TLN2: variants seen among roughly 807,000 people sequenced by gnomAD.
TLN2 encodes talin 2.
A neutral mutation model predicts 294.7 loss-of-function variants in TLN2; 118 were observed. The observed-to-expected ratio is 0.40, with a 90% CI of 0.34 to 0.47. The LOEUF is 0.47. Among genes scored for constraint, TLN2 ranks in the 20% least tolerant of loss-of-function variants. The pLI is 0.84. For synonymous variants in TLN2, 1,431 were observed against 1,304.5 expected, an observed-to-expected ratio of 1.10 and a Z score of -2.09; for missense variants, 3,083 against 3,282.2, an observed-to-expected ratio of 0.94 and a Z score of 1.48.
At chr15:62,835,381 G>A (rs1168331270) in intron 55 of TLN2, 4 of 301,314 alleles carry the variant, frequency 1.3e-5, no homozygotes, top group African/African-American at 8.6e-5. Context: ...GAGGCCTAGT[G>A]GCTCCCACAT....
At chr15:62,660,192 A>T (rs987609883) in intron 9 of TLN2, among the ~76,000 whole-genome samples, 2 of 152,160 alleles carry the variant, frequency 1.3e-5, no homozygotes, top group Non-Finnish European at 2.9e-5. Context: ...ATTTTTTGAA[A>T]ATTTGCTCAG....
chr15:62,822,931 A>C (rs1033825414), intron 54 of TLN2, among the ~76,000 whole-genome samples: 5 of 152,246 alleles, frequency 3.3e-5, no homozygotes, highest in Non-Finnish European at 4.4e-5. Context: ...TATAAAACAA[A>C]GGTTTAAAAA....
At chr15:62,645,757 T>C (rs746246401) in intron 3 of TLN2, among the ~76,000 whole-genome samples, 4 of 152,172 alleles carry the variant, frequency 2.6e-5, no homozygotes, top group Admixed American at 6.5e-5. Flanking sequence ...GGTTCTCTCA[T>C]AAAACACAAG....
At chr15:62,826,412 C>CAGCCAT (rs1291385550) in intron 54 of TLN2, among the ~76,000 whole-genome samples, 1 of 152,222 alleles carries the variant, frequency 6.6e-6, no homozygotes, top group Admixed American at 6.5e-5. Context: ...GTCACAGGCA[C>CAGCCAT]AGCCATTTGG....
intron 2 of TLN2, among the ~76,000 whole-genome samples, chr15:62,600,184 G>T (rs2046871644): frequency 6.6e-6 from 1 of 152,188 alleles, no homozygotes. Flanking sequence ...CTGTCACCTA[G>T]AATGAAGTCT....
At chr15:62,604,882 C>T (rs549372952) in intron 2 of TLN2, among the ~76,000 whole-genome samples, 28 of 151,848 alleles carry the variant, frequency 1.8e-4, no homozygotes, top group South Asian at 1.5e-3. Flanking sequence ...CATTATTTGC[C>T]GCTGCCGCCG....
chr15:62,796,335 G>T, intron 47 of TLN2, 42 bp downstream of exon 47: 3 of 1,573,094 alleles, frequency 1.9e-6, no homozygotes, highest in Non-Finnish European at 1.7e-6. Context: ...AGGCTGGCCT[G>T]CCCCTGAAAC....
chr15:62,620,798 G>C (rs2048735173), intron 3 of TLN2, among the ~76,000 whole-genome samples: 3 of 145,516 alleles, frequency 2.1e-5, no homozygotes, highest in South Asian at 4.4e-4. Flanking sequence ...TGAATTTTCA[G>C]ATTCCTGAAA....
chr15:62,686,900 G>A, intron 12 of TLN2, 104 bp downstream of exon 12: 1 of 1,461,804 alleles, frequency 6.8e-7, no homozygotes, highest in East Asian at 2.4e-5. Flanking sequence ...CTCTGGCCTG[G>A]GAGAGCCAGC....
intron 1 of TLN2, among the ~76,000 whole-genome samples, chr15:62,480,874 T>G (rs191775768): frequency 3.0e-4 from 46 of 152,360 alleles, no homozygotes; most frequent in Admixed American, 1.2e-3. Flanking sequence ...CCTGCATTGC[T>G]TTCTTTGCTT....
At chr15:62,622,470 GATC>G (rs982386158) in intron 3 of TLN2, among the ~76,000 whole-genome samples, 13 of 152,118 alleles carry the variant, frequency 8.5e-5, no homozygotes, top group African/African-American at 3.1e-4. Context: ...ACTGATGTGT[GATC>G]TGTCCTGTTA....
intron 52 of TLN2, among the ~76,000 whole-genome samples, chr15:62,810,831 C>G (rs912607724): frequency 6.6e-6 from 1 of 152,286 alleles, no homozygotes; most frequent in African/African-American, 2.4e-5. Flanking sequence ...GATGATGTCT[C>G]TCCTCCATCA....
At chr15:62,796,076 TC>T in intron 46 of TLN2, 50 bp from the exon 47 acceptor site, 1 of 1,594,780 alleles carries the variant, frequency 6.3e-7, no homozygotes, top group Non-Finnish European at 8.5e-7. Context: ...TGCTTTTAGG[TC>T]CTGTTCTCTC....
At chr15:62,765,369 C>G (rs1295296166) in intron 40 of TLN2, among the ~76,000 whole-genome samples, 1 of 151,148 alleles carries the variant, frequency 6.6e-6, no homozygotes, top group Non-Finnish European at 1.5e-5. Context: ...TGTTAGTCTG[C>G]TCCTCTTTTT....
At chr15:62,658,092 T>G in intron 9 of TLN2, 194 bp downstream of exon 9, 1 of 505,150 alleles carries the variant, frequency 2.0e-6, no homozygotes, top group East Asian at 3.5e-5. Flanking sequence ...GAAGTTTCTT[T>G]TGCTGAATAG....
chr15:62,537,253 G>C (rs1039819335), intron 1 of TLN2, among the ~76,000 whole-genome samples: 2 of 151,964 alleles, frequency 1.3e-5, no homozygotes, highest in Non-Finnish European at 2.9e-5. Flanking sequence ...CTGACCTCGT[G>C]ATCCGCCCAC....
At chr15:62,833,173 G>C (rs1421838915) in intron 54 of TLN2, 1 of 187,650 alleles carries the variant, frequency 5.3e-6, no homozygotes, top group Non-Finnish European at 1.1e-5. Flanking sequence ...AGGTAAAAGG[G>C]TAAATTTTGT....
rs56258541 is a variant in TLN2, at chr15:62,673,310, C to CTTTTTTTTTTTTTTT, written c.789-513_789-499dup. On this transcript the variant is annotated intron_variant, in intron 9 of 58. Transcript: ENST00000636159. ...GTTTGCTTTAGATTTTTAGATGTTG[C>CTTTTTTTTTTTTTTT]TTTTTTTTTTTTTTTTTTGCAATTT... 1.9e-4 allele frequency among the ~76,000 whole-genome samples: 8 copies of CTTTTTTTTTTTTTTT among 42,898 alleles called. 1 individual carries two copies. The highest frequency in any genetic ancestry group is 3.0e-4 in the Non-Finnish European group (7 of 23,326). 28.1% of individuals were successfully genotyped at this position (42,898 alleles called of 152,430 possible).
chr15:62,742,024 G>GGTGTGTGT (rs1169646907), intron 32 of TLN2, among the ~76,000 whole-genome samples: 21 of 82,272 alleles, frequency 2.6e-4, no homozygotes, highest in African/African-American at 8.4e-4. Context: ...CTTGTAGTGG[G>GGTGTGTGT]GTGTGTGTGT....
Sources: allele counts gnomAD v4.1 joint callset (sites outside exome capture counted in the v4.1 genomes callset), GRCh38; gene constraint gnomAD v4.1.1; transcripts MANE v1.5; gene names NCBI Gene and HGNC (gene_info 2026-07-23, HGNC 2026-07-21).